The following NOS3 variants were observed in gnomAD, a reference collection of about 807,000 sequenced individuals.
The protein encoded by NOS3 is NOS type III.
A neutral mutation model predicts 144.9 loss-of-function variants in NOS3; 98 were observed. The observed-to-expected ratio is 0.68, with a 90% CI of 0.57 to 0.80. The LOEUF (loss-of-function observed/expected upper bound fraction) is 0.80. Ranked by LOEUF, NOS3 falls within the 30% of genes least tolerant of loss-of-function variation. NOS3 has a pLI of 0.00. For synonymous variants in NOS3, 714 were observed against 702.4 expected, an observed-to-expected ratio of 1.02 and a Z score of -0.26; for missense variants, 1,465 against 1,656.4, an observed-to-expected ratio of 0.88 and a Z score of 2.01.
In NOS3 at chr7:150,998,564, C is replaced by T. The variant is rs752207237; in HGVS notation, c.700C>T (p.Arg234Cys). 8.6e-5 allele frequency: 139 copies of T among 1,609,570 alleles called. No homozygotes were observed. Among genetic ancestry groups the T allele is most frequent in the Non-Finnish European group, 1.1e-4 (124 of 1,178,872 alleles). Residue 234 changes from arginine (R) to cysteine (C), a missense_variant, in exon 7 of 27, where the codon CGC (arginine) becomes TGC (cysteine). Coordinates refer to ENST00000297494, the MANE Select transcript of NOS3 (RefSeq NM_000603.5). The surrounding 1 kb of genome is among the most constrained non-coding windows in gnomAD (Gnocchi z 5.0). ...CTCGGCCATCACAGTGTTCCCGCAG[C>T]GCTGCCCTGGCCGAGGAGACTTCCG... ...LRSAITVFPQ[R>C]CPGRGDFRIW...
At chr7:151,000,270 T>C (rs1795060213) in intron 9 of NOS3, among the ~76,000 whole-genome samples, 2 of 151,924 alleles carry the variant, frequency 1.3e-5, no homozygotes, top group South Asian at 4.1e-4. Flanking sequence ...ATTTTAGAGA[T>C]GAGAAATTAA....
rs1200637196 is a variant in NOS3 at position 151,002,794 on chromosome 7, A to G, written c.1752+490A>G. 2 of 182,240 alleles carry G rather than the reference A, an allele frequency of 1.1e-5. No individual in the cohort carries two copies. Among genetic ancestry groups the G allele is most frequent in the African/African-American group, 5.8e-5 (2 of 34,204 alleles). The allele number at this position is 182,240 out of a possible 1,614,324, so 11.3% of individuals were successfully genotyped here. On this transcript the variant is annotated intron_variant, in intron 14 of 26. Coordinates refer to ENST00000297494, the MANE Select transcript of NOS3 (RefSeq NM_000603.5). This position sits in a 1 kb window ranked among gnomAD's most constrained non-coding sequence, Gnocchi z 4.1. Reference sequence around the variant, plus strand: ...GCTGTACATTTACAACATGTGCAACACTATTCCAGCATTTTATTTTATTTG... The same window carrying G: ...GCTGTACATTTACAACATGTGCAACGCTATTCCAGCATTTTATTTTATTTG...
intron 25 of NOS3, 77 bp downstream of exon 25, chr7:151,013,456 A>G (rs933773047): frequency 7.3e-6 from 11 of 1,514,086 alleles, no homozygotes; most frequent in Middle Eastern, 1.7e-4. Flanking sequence ...AGCGGGGCAC[A>G]CCAACCACGG....
At position 150,993,251 on chromosome 7, in the gene NOS3, G is replaced by A. The variant is rs762938578; in HGVS notation, c.-51-502G>A. Among the ~76,000 whole-genome samples, 3 of 152,178 alleles carry A rather than the reference G, an allele frequency of 2.0e-5. No homozygotes were observed. Among genetic ancestry groups the A allele is most frequent in the Non-Finnish European group, 4.4e-5 (3 of 68,024 alleles). ...CCCCAAGAACCCAAAAGGACTCAAG[G>A]GTGGGGATCCAGGAGTTCTTGTATG... is the stretch of plus-strand genomic sequence containing the variant. On this transcript the variant is annotated intron_variant, in intron 1 of 26. Coordinates refer to ENST00000297494, the MANE Select transcript of NOS3 (RefSeq NM_000603.5). This position sits in a 1 kb window ranked among gnomAD's most constrained non-coding sequence, Gnocchi z 4.0.
chr7:151,001,038 G>T (rs1014674261), intron 10 of NOS3, among the ~76,000 whole-genome samples, 193 bp from the exon 11 acceptor site: 6 of 152,186 alleles, frequency 3.9e-5, no homozygotes, highest in Non-Finnish European at 1.5e-5. Context: ...CTTGTTGCAT[G>T]TTGAACCTGC....
At chr7:150,991,565 G>A (rs1205302983) in intron 1 of NOS3, among the ~76,000 whole-genome samples, 1 of 152,198 alleles carries the variant, frequency 6.6e-6, no homozygotes, top group Non-Finnish European at 1.5e-5. Context: ...TCTTGGCTGA[G>A]GGTTTTGGGT....
At position 150,996,478 on chromosome 7, in the gene NOS3, C is replaced by G; in HGVS notation, c.345C>G (p.Pro115=). 1 of 1,597,310 alleles carries G rather than the reference C, an allele frequency of 6.3e-7. No homozygotes were observed. The highest frequency in any genetic ancestry group is 8.5e-7 in the Non-Finnish European group (1 of 1,172,990). The change falls in exon 4 of 27, where the codon CCC becomes CCG. Residue 115 remains proline, a synonymous_variant. Coordinates refer to ENST00000297494, the MANE Select transcript of NOS3 (RefSeq NM_000603.5). ...GGAAACTACAGGGCCGGCCCTCCCC[C>G]GGCCCCCCGGCCCCTGAGCAGCTGC... The part of the protein sequence containing the change: ...FPRKLQGRPS[P]GPPAPEQLLS...
intron 5 of NOS3, 52 bp downstream of exon 5, chr7:150,996,977 G>C (rs1236874909): frequency 6.6e-7 from 1 of 1,520,404 alleles, no homozygotes; most frequent in African/African-American, 1.4e-5. Context: ...AGGGGAGCGG[G>C]GTGGCGGGGC....
In NOS3 at chr7:151,014,181, C is replaced by G. The variant is rs773809579; in HGVS notation, c.*12C>G. On this transcript the variant is annotated 3_prime_UTR_variant, in exon 27 of 27. Transcript: ENST00000297494. ...CCAACAGCCCCTGAGAGCCGCCTGG[C>G]TTTCCCTTCCAGTTCCGGGAGAGCG... is the stretch of plus-strand genomic sequence containing the variant. The G allele has an allele frequency of 1.9e-6, 3 of 1,591,096 alleles. No individual in the cohort carries two copies. The highest frequency in any genetic ancestry group is 3.4e-5 in the Admixed American group (2 of 59,376).
rs1161757319 is a variant in NOS3 at position 151,009,437 on chromosome 7, G to A, written c.2364G>A (p.Gln788=). 5 of 1,546,348 alleles carry A rather than the reference G, an allele frequency of 3.2e-6. No individual in the cohort carries two copies. In the South Asian group the frequency reaches 6.0e-5, roughly 18 times the overall value. The change falls in exon 20 of 27, where the codon CAG becomes CAA. Residue 788 remains glutamine, a synonymous_variant. Transcript: ENST00000297494. ...TILVRLDTGG[Q]EGLQYQPGDH... ...TGGTGCGCCTGGACACCGGAGGCCA[G>A]GAGGGGCTGCAGTACCAGCCGGGGG...
intron 2 of NOS3, among the ~76,000 whole-genome samples, chr7:150,994,794 G>A (rs1209676814): frequency 2.6e-5 from 4 of 152,204 alleles, no homozygotes. Flanking sequence ...GCTGCTGTCA[G>A]GAGGGGTTGT....
intron 1 of NOS3, among the ~76,000 whole-genome samples, chr7:150,992,634 C>A (rs1184962984): frequency 6.6e-6 from 1 of 152,148 alleles, no homozygotes; most frequent in Admixed American, 6.5e-5. Flanking sequence ...CAGGCCCACC[C>A]CAACCTTATC....
chr7:151,013,632 G>GAGACTTTC (rs1341896872), intron 25 of NOS3, 92 bp from the exon 26 acceptor site: 17 of 1,269,844 alleles, frequency 1.3e-5, no homozygotes, highest in Non-Finnish European at 1.7e-5. Context: ...GCCCGCTCCG[G>GAGACTTTC]AGACTTTCAC....
Position 151,006,947 on chromosome 7 carries a change from C to T in NOS3, c.1879C>T (p.Arg627Trp), listed in dbSNP as rs771851939. 2.1e-5 allele frequency: 34 copies of T among 1,614,094 alleles called. No homozygotes were observed. Among genetic ancestry groups the T allele is most frequent in the South Asian group, 3.3e-5 (3 of 91,070 alleles). Reference protein sequence around the residue: ...SCSDPLVSSWRRKRKESSNTD... With the variant: ...SCSDPLVSSWWRKRKESSNTD... ...CTCAGACCCACTGGTGTCCTCTTGGCGGCGGAAGAGGAAGGAGTCCAGTAA... is the reference window on the plus strand; with the variant it reads ...CTCAGACCCACTGGTGTCCTCTTGGTGGCGGAAGAGGAAGGAGTCCAGTAA... Residue 627 changes from arginine (R) to tryptophan (W), a missense_variant, in exon 16 of 27, where the codon CGG (arginine) becomes TGG (tryptophan). Physicochemically the swap from Arg to Trp is moderately radical, Grantham distance 101. Transcript: ENST00000297494.
Position 151,013,930 on chromosome 7 carries a change from C to T in NOS3, c.3450+12C>T, listed in dbSNP as rs773705844. 30 of 1,596,894 alleles carry T rather than the reference C, an allele frequency of 1.9e-5. No individual in the cohort carries two copies. Among genetic ancestry groups the T allele is most frequent in the Non-Finnish European group, 2.4e-5 (28 of 1,171,818 alleles). Reference sequence around the variant, plus strand: ...TCGGCGTGCTGCGGGTGCGGAGGGGCGGGCCGGGCCTGAGCGTGCGGGGTT... The same window carrying T: ...TCGGCGTGCTGCGGGTGCGGAGGGGTGGGCCGGGCCTGAGCGTGCGGGGTT... On this transcript the variant is annotated intron_variant, in intron 26 of 26. Transcript: ENST00000297494.
In NOS3 at chr7:150,993,698, A is replaced by T; in HGVS notation, c.-51-55A>T. ...GGATAGGGGCGGGGCGAGGGCCAGC[A>T]CTGGAGAGCCCCCTCCCACTGCCCC... On this transcript the variant is annotated intron_variant, in intron 1 of 26. Coordinates refer to ENST00000297494, the MANE Select transcript of NOS3 (RefSeq NM_000603.5). This position sits in a 1 kb window ranked among gnomAD's most constrained non-coding sequence, Gnocchi z 4.0. 1 of 1,167,916 alleles carries T rather than the reference A, an allele frequency of 8.6e-7. No homozygotes were observed. Among genetic ancestry groups the T allele is most frequent in the Non-Finnish European group, 1.2e-6 (1 of 834,920 alleles). The allele number at this position is 1,167,916 out of a possible 1,614,324, so 72.3% of individuals were successfully genotyped here.
chr7:150,998,814 G>A lies in NOS3; in HGVS notation c.817-132G>A, dbSNP rs1802497015. 4 of 1,449,446 alleles carry A rather than the reference G, an allele frequency of 2.8e-6. No homozygotes were observed. The highest frequency in any genetic ancestry group is 1.4e-5 in the African/African-American group (1 of 70,720). The allele number at this position is 1,449,446 out of a possible 1,614,324, so 89.8% of individuals were successfully genotyped here. A position where few individuals can be genotyped will look rare whatever the true frequency, so the allele number is the denominator to read the frequency against. ...AAAGGATGAAAAACACCAAAGGAGGGGTGCCTGGGTGGTCACGGAGACCCA... is the reference window on the plus strand; with the variant it reads ...AAAGGATGAAAAACACCAAAGGAGGAGTGCCTGGGTGGTCACGGAGACCCA... On this transcript the variant is annotated intron_variant, in intron 7 of 26. Coordinates refer to ENST00000297494, the MANE Select transcript of NOS3 (RefSeq NM_000603.5). This position sits in a 1 kb window ranked among gnomAD's most constrained non-coding sequence, Gnocchi z 5.0.
chr7:151,012,890 G>A, intron 24 of NOS3: 1 of 361,076 alleles, frequency 2.8e-6, no homozygotes. Context: ...TGACTGGGAG[G>A]AGAGTTATAA....
chr7:151,008,278 A>C (rs1039277476), intron 17 of NOS3, among the ~76,000 whole-genome samples: 2 of 152,136 alleles, frequency 1.3e-5, no homozygotes, highest in African/African-American at 4.8e-5. Context: ...CACGCACCAC[A>C]AAAGAAAGAT....
Sources: gnomAD v4.1 joint callset for allele counts (sites outside exome capture counted in the v4.1 genomes callset) on GRCh38, gnomAD v4.1.1 for gene constraint, Gnocchi (gnomAD v3.1) non-coding constraint, MANE v1.5 for transcripts, NCBI Gene and HGNC (gene_info 2026-07-23, HGNC 2026-07-21) for gene names.